RGS5: variants seen among roughly 807,000 people sequenced by gnomAD.
RGS5 encodes regulator of G-protein signalling 5.
In RGS5, 20 loss-of-function variants were observed where a neutral mutation model predicts 18.9. The ratio of observed to expected loss-of-function variants is 1.06; its 90% confidence interval spans 0.74 to 1.54. The LOEUF (loss-of-function observed/expected upper bound fraction) is 1.54, where lower values mean the gene tolerates loss of function less well. RGS5 is among the 40% of genes most tolerant of loss of function. The pLI is 0.00. For missense variants in RGS5, 201 were observed against 211.8 expected (o/e 0.95, Z 0.32); for synonymous variants, 57 against 76.2 (o/e 0.75, Z 1.31).
intron 3 of RGS5, 90 bp from the exon 4 acceptor site, chr1:163,152,806 T>C (rs1207443097): frequency 1.7e-6 from 2 of 1,203,302 alleles, no homozygotes; most frequent in Middle Eastern, 5.9e-4. Flanking sequence ...GGCTTAGCAA[T>C]ACTCTTCTAT....
intron 1 of RGS5, chr1:163,211,474 G>A (rs1209449429): frequency 6.6e-6 from 1 of 152,184 alleles, no homozygotes; most frequent in Non-Finnish European, 1.5e-5. Flanking sequence ...TGAGGAGGTG[G>A]TGAAGGCATA....
At position 163,165,499 on chromosome 1, in the gene RGS5, C is replaced by T. The variant is rs183564013; in HGVS notation, c.155+2759G>A. On this transcript the variant is annotated intron_variant, in intron 2 of 4. Transcript: ENST00000313961. ...TATTGTTTCTCAGGAGGACCTACAG[C>T]AGAGCCTTAAGGAATGCTCACATCC... Among the ~76,000 whole-genome samples, 137 of 152,308 alleles carry T rather than the reference C, an allele frequency of 9.0e-4. 2 individuals are homozygous for T. Among genetic ancestry groups the T allele is most frequent in the African/African-American group, 3.0e-3 (125 of 41,564 alleles).
intron 2 of RGS5, among the ~76,000 whole-genome samples, chr1:163,267,959 A>T (rs1465986428): frequency 6.6e-6 from 1 of 152,264 alleles, no homozygotes; most frequent in East Asian, 1.9e-4. Context: ...GCTTGCTCCC[A>T]GGTGATTTAT....
intron 1 of RGS5, among the ~76,000 whole-genome samples, chr1:163,193,385 C>A (rs1213656942): frequency 1.3e-5 from 2 of 152,082 alleles, no homozygotes; most frequent in Non-Finnish European, 2.9e-5. Flanking sequence ...GAAATATTTT[C>A]TTTTTGAAGG....
chr1:163,214,559 ACACAAC>A (rs1211941906), intron 1 of RGS5, among the ~76,000 whole-genome samples: 2 of 152,128 alleles, frequency 1.3e-5, no homozygotes, highest in East Asian at 3.9e-4. Context: ...CTCCATGATC[ACACAAC>A]CATGCTTCAG....
chr1:163,172,159 A>C (rs1246442561), intron 1 of RGS5, among the ~76,000 whole-genome samples: 2 of 152,192 alleles, frequency 1.3e-5, no homozygotes, highest in African/African-American at 4.8e-5. Flanking sequence ...TCCCTTCCAG[A>C]TAGAGGGATG....
At chr1:163,244,069 A>T (rs1647869425) in intron 2 of RGS5, among the ~76,000 whole-genome samples, 1 of 152,210 alleles carries the variant, frequency 6.6e-6, no homozygotes, top group African/African-American at 2.4e-5. Flanking sequence ...GTATGCACAC[A>T]ATAGCTGAGA....
intron 1 of RGS5, among the ~76,000 whole-genome samples, chr1:163,185,144 C>T (rs1009792196): frequency 8.5e-5 from 13 of 152,058 alleles, no homozygotes; most frequent in Admixed American, 2.6e-4. Context: ...TCCAATATTG[C>T]TCCTTCTCTC....
At chr1:163,311,526 C>CT (rs1450077886) in intron 1 of RGS5, among the ~76,000 whole-genome samples, 2 of 152,182 alleles carry the variant, frequency 1.3e-5, no homozygotes, top group African/African-American at 4.8e-5. Context: ...TTGACTCTTT[C>CT]TTTCACTTGA....
intron 2 of RGS5, among the ~76,000 whole-genome samples, chr1:163,166,509 A>G (rs975467189): frequency 2.0e-5 from 3 of 152,196 alleles, no homozygotes; most frequent in Non-Finnish European, 4.4e-5. Flanking sequence ...CTTATGCAGA[A>G]CACAGTATTT....
intron 1 of RGS5, among the ~76,000 whole-genome samples, chr1:163,214,948 T>A (rs1660183358): frequency 6.6e-6 from 1 of 152,202 alleles, no homozygotes; most frequent in Non-Finnish European, 1.5e-5. Flanking sequence ...TTCTCTTCCC[T>A]AGACACACTT....
intron 2 of RGS5, among the ~76,000 whole-genome samples, chr1:163,303,031 C>T (rs750707068): frequency 2.0e-5 from 3 of 152,140 alleles, no homozygotes; most frequent in Non-Finnish European, 2.9e-5. Context: ...TCCACAGAGC[C>T]TAGCTTCTAA....
At chr1:163,243,990 ACTTTT>A (rs1647867712) in intron 2 of RGS5, among the ~76,000 whole-genome samples, 2 of 152,218 alleles carry the variant, frequency 1.3e-5, no homozygotes, top group Non-Finnish European at 2.9e-5. Flanking sequence ...TAAAATGTTT[ACTTTT>A]AAGTTTTGTT....
chr1:163,246,119 A>C (rs556105818), intron 2 of RGS5, among the ~76,000 whole-genome samples: 2 of 152,172 alleles, frequency 1.3e-5, no homozygotes, highest in African/African-American at 2.4e-5. Flanking sequence ...CGGGAGGCTG[A>C]GGCAGGAGAA....
intron 1 of RGS5, among the ~76,000 whole-genome samples, chr1:163,186,583 A>AG (rs1489223277): frequency 7.2e-6 from 1 of 138,458 alleles, no homozygotes; most frequent in Non-Finnish European, 1.5e-5. Flanking sequence ...TGTCTCAAAA[A>AG]AAAAAAAAAA....
At chr1:163,279,050 G>A (rs1648928304) in intron 2 of RGS5, among the ~76,000 whole-genome samples, 1 of 152,078 alleles carries the variant, frequency 6.6e-6, no homozygotes, top group African/African-American at 2.4e-5. Context: ...TAAAGACAGA[G>A]CTAGACCCTA....
At chr1:163,299,059 G>A (rs146750458) in intron 2 of RGS5, among the ~76,000 whole-genome samples, 2 of 152,294 alleles carry the variant, frequency 1.3e-5, no homozygotes, top group East Asian at 1.9e-4. Flanking sequence ...CATGGGAATT[G>A]TTAAGCCAGT....
At chr1:163,304,329 A>G (rs892414932) in intron 2 of RGS5, 2 of 152,186 alleles carry the variant, frequency 1.3e-5, no homozygotes, top group Admixed American at 1.3e-4. Flanking sequence ...TTTGCTTGCA[A>G]GGCCTTCTCT....
rs756656114 is a variant in RGS5 at position 163,202,806 on chromosome 1, G to A, written c.30C>T (p.His10=). Reference sequence around the variant, plus strand: ...TTGGTTCTCACCTTTCCAGGCATGAGTGGGGCAAAGCTGCAAGTCCTTTGC... The same window carrying A: ...TTGGTTCTCACCTTTCCAGGCATGAATGGGGCAAAGCTGCAAGTCCTTTGC... The part of the protein sequence containing the change: MCKGLAALP[H]SCLERAKEIK... Residue 10 remains histidine (H), a synonymous_variant, in exon 1 of 5, where the codon CAC becomes CAT. Transcript: ENST00000313961. 6.2e-7 allele frequency: 1 copy of A among 1,613,434 alleles called. No individual in the cohort carries two copies. Among genetic ancestry groups the A allele is most frequent in the Non-Finnish European group, 8.5e-7 (1 of 1,179,654 alleles).
Sources: allele counts gnomAD v4.1 joint callset (sites outside exome capture counted in the v4.1 genomes callset), GRCh38; gene constraint gnomAD v4.1.1; transcripts MANE v1.5; gene names NCBI Gene and HGNC (gene_info 2026-07-23, HGNC 2026-07-21).